KIAA0825: variants seen among roughly 807,000 people sequenced by gnomAD.
KIAA0825 encodes the protein uncharacterized protein KIAA0825.
In KIAA0825, 119 loss-of-function variants were observed where a neutral mutation model predicts 147.6. The observed-to-expected ratio is 0.81, with a 90% confidence interval of 0.69 to 0.94. The LOEUF is 0.94. Ranked by LOEUF, KIAA0825 falls within the 40% of genes least tolerant of loss-of-function variation. The probability of loss-of-function intolerance (pLI) is 0.00; values close to 1 mark genes in which losing one functional copy is unlikely to be tolerated. For missense variants in KIAA0825, 1,381 were observed against 1,472.7 expected (o/e 0.94, Z 1.02); for synonymous variants, 470 against 518.1 (o/e 0.91, Z 1.26).
chr5:94,177,812 T>C (rs948807478), intron 20 of KIAA0825, among the ~76,000 whole-genome samples: 1 of 152,128 alleles, frequency 6.6e-6, no homozygotes, highest in Non-Finnish European at 1.5e-5. Context: ...TGTGTAGAAA[T>C]ACATATTTTT....
At chr5:94,159,585 T>C (rs1767355478) in intron 20 of KIAA0825, among the ~76,000 whole-genome samples, 1 of 152,156 alleles carries the variant, frequency 6.6e-6, no homozygotes. Flanking sequence ...TACATTCCAA[T>C]AAATAAATAT....
intron 12 of KIAA0825, among the ~76,000 whole-genome samples, chr5:94,460,180 C>T (rs917328271): frequency 6.6e-6 from 1 of 152,114 alleles, no homozygotes; most frequent in African/African-American, 2.4e-5. Context: ...GCTTCTGAAC[C>T]TGCAGTTTAA....
At chr5:94,374,517 T>C (rs1747236535) in intron 20 of KIAA0825, among the ~76,000 whole-genome samples, 2 of 152,250 alleles carry the variant, frequency 1.3e-5, no homozygotes, top group South Asian at 2.1e-4. Context: ...AGTTGACTAA[T>C]GGCCCCAGCT....
intron 20 of KIAA0825, among the ~76,000 whole-genome samples, chr5:94,331,134 C>CA (rs1217289834): frequency 1.5e-3 from 125 of 85,146 alleles, no homozygotes; most frequent in African/African-American, 3.4e-3. Flanking sequence ...GACTCTGTCT[C>CA]AAAAAAAAAA....
chr5:94,588,030 C>A (rs1419497940), intron 1 of KIAA0825, among the ~76,000 whole-genome samples: 2 of 151,766 alleles, frequency 1.3e-5, no homozygotes, highest in African/African-American at 4.8e-5. Flanking sequence ...TTACATCTGA[C>A]CAAAAATTGA....
At chr5:94,312,517 AAAGATGATCCACAG>A (rs1281328618) in intron 20 of KIAA0825, among the ~76,000 whole-genome samples, 11 of 151,670 alleles carry the variant, frequency 7.3e-5, no homozygotes, top group Non-Finnish European at 7.4e-5. Flanking sequence ...TTTGCGTTCT[AAAGATGATCCACAG>A]AAGACTTCTT....
At chr5:94,163,984 C>T (rs563716744) in intron 20 of KIAA0825, among the ~76,000 whole-genome samples, 6 of 152,124 alleles carry the variant, frequency 3.9e-5, no homozygotes, top group Non-Finnish European at 7.4e-5. Context: ...GCATGTATAG[C>T]TTATGTTTTG....
At chr5:94,176,385 C>T (rs1769104904) in intron 20 of KIAA0825, among the ~76,000 whole-genome samples, 1 of 152,098 alleles carries the variant, frequency 6.6e-6, no homozygotes, top group Non-Finnish European at 1.5e-5. Flanking sequence ...GAATTATGAA[C>T]TAAAGAAACC....
intron 20 of KIAA0825, among the ~76,000 whole-genome samples, chr5:94,274,482 CGAGCTAATTACT>C (rs1308456507): frequency 6.6e-6 from 1 of 151,898 alleles, no homozygotes; most frequent in African/African-American, 2.4e-5. Flanking sequence ...TTCCAGGCTC[CGAGCTAATTACT>C]GAGTCACTAG....
chr5:94,290,300 A>G (rs1196356435), intron 20 of KIAA0825, among the ~76,000 whole-genome samples: 3 of 151,940 alleles, frequency 2.0e-5, no homozygotes. Flanking sequence ...CCACCACCCA[A>G]CAGACCCTGG....
Position 94,546,151 on chromosome 5 carries a change from C to G in KIAA0825, c.-1-9024G>C, listed in dbSNP as rs139312435. On this transcript the variant is annotated intron_variant, in intron 2 of 20. Transcript: ENST00000682413. ...CTCTGCCTGTGGAAAGGGGAAGGAA[C>G]AGTGGGAAGGACTTTGTCTTGTGGT... Among the ~76,000 whole-genome samples the G allele has an allele frequency of 5.7e-3, 862 of 152,218 alleles. 5 individuals carry two copies. Among genetic ancestry groups the G allele is most frequent in the South Asian group, 0.027 (131 of 4,824 alleles).
intron 20 of KIAA0825, among the ~76,000 whole-genome samples, chr5:94,268,313 C>T (rs1427190970): frequency 6.6e-6 from 1 of 152,058 alleles, no homozygotes; most frequent in Admixed American, 6.6e-5. Flanking sequence ...AGCATTGAAG[C>T]TGAGCTGTCA....
At chr5:94,242,384 G>GC (rs1775391189) in intron 20 of KIAA0825, among the ~76,000 whole-genome samples, 1 of 152,212 alleles carries the variant, frequency 6.6e-6, no homozygotes, top group East Asian at 1.9e-4. Flanking sequence ...GCATGCACCA[G>GC]CTCACTTATT....
intron 1 of KIAA0825, among the ~76,000 whole-genome samples, chr5:94,610,282 T>C (rs1447684157): frequency 6.6e-6 from 1 of 151,458 alleles, no homozygotes; most frequent in Non-Finnish European, 1.5e-5. Flanking sequence ...TAGCTGGGCA[T>C]GGTGGCACAT....
chr5:94,179,468 A>G (rs907143660), intron 20 of KIAA0825, among the ~76,000 whole-genome samples: 1 of 152,144 alleles, frequency 6.6e-6, no homozygotes, highest in African/African-American at 2.4e-5. Context: ...AGAACTGTGC[A>G]TAAACACTGT....
At chr5:94,431,462 C>T (rs1447482188) in intron 14 of KIAA0825, among the ~76,000 whole-genome samples, 1 of 152,192 alleles carries the variant, frequency 6.6e-6, no homozygotes, top group East Asian at 1.9e-4. Context: ...CCCTCCCCTC[C>T]TAAAACTCAC....
intron 20 of KIAA0825, among the ~76,000 whole-genome samples, chr5:94,364,184 C>T (rs990244136): frequency 1.3e-5 from 2 of 151,700 alleles, no homozygotes; most frequent in Non-Finnish European, 2.9e-5. Flanking sequence ...TGTATAAATG[C>T]CCCGAGAATT....
chr5:94,272,631 A>G (rs887324841), intron 20 of KIAA0825, among the ~76,000 whole-genome samples: 5 of 152,200 alleles, frequency 3.3e-5, no homozygotes, highest in African/African-American at 1.2e-4. Flanking sequence ...CCTTTCTCCA[A>G]CCTAATAATT....
chr5:94,326,498 G>T (rs373900127), intron 20 of KIAA0825, among the ~76,000 whole-genome samples: 1 of 152,098 alleles, frequency 6.6e-6, no homozygotes, highest in African/African-American at 2.4e-5. Flanking sequence ...AGTAATAAAG[G>T]CCTGATTGAT....
Sources: allele counts gnomAD v4.1 joint callset (sites outside exome capture counted in the v4.1 genomes callset), GRCh38; gene constraint gnomAD v4.1.1; transcripts MANE v1.5; gene names NCBI Gene and HGNC (gene_info 2026-07-23, HGNC 2026-07-21).